NKAIN3: variants seen among roughly 807,000 people sequenced by gnomAD.
NKAIN3 encodes the protein sodium/potassium-transporting ATPase subunit beta-1-interacting protein 3.
A neutral mutation model predicts 30.2 loss-of-function variants in NKAIN3; 25 were observed. The observed-to-expected ratio is 0.83, with a 90% CI of 0.60 to 1.16. NKAIN3 has a LOEUF of 1.16. Ranked by LOEUF, NKAIN3 falls within the 50% of genes most tolerant of loss-of-function variation. NKAIN3 has a pLI of 0.00. For synonymous variants in NKAIN3, 91 were observed against 89.6 expected (o/e 1.02, Z -0.09); for missense variants, 225 against 254.1 (o/e 0.89, Z 0.78).
intron 4 of NKAIN3, among the ~76,000 whole-genome samples, chr8:62,791,471 A>G (rs758994566): frequency 5.9e-5 from 9 of 152,272 alleles, no homozygotes; most frequent in East Asian, 3.9e-4. Flanking sequence ...GTCCAAATAA[A>G]TGACTCAGGC....
intron 1 of NKAIN3, among the ~76,000 whole-genome samples, chr8:62,273,620 G>A (rs1259205304): frequency 6.6e-6 from 1 of 152,152 alleles, no homozygotes; most frequent in Admixed American, 6.5e-5. Flanking sequence ...TCTATGACAA[G>A]TTCTTGTTGT....
chr8:62,824,669 C>T (rs1818962858), intron 4 of NKAIN3, among the ~76,000 whole-genome samples: 1 of 152,100 alleles, frequency 6.6e-6, no homozygotes, highest in Admixed American at 6.6e-5. Context: ...ATTGCAATTT[C>T]CATGCTTTCT....
chr8:62,664,392 A>C (rs924053497), intron 3 of NKAIN3, among the ~76,000 whole-genome samples: 2 of 152,048 alleles, frequency 1.3e-5, no homozygotes, highest in African/African-American at 2.4e-5. Flanking sequence ...AACCCACCCA[A>C]ATCAAACCGT....
chr8:62,551,791 T>G (rs745424644), intron 1 of NKAIN3, among the ~76,000 whole-genome samples: 1 of 152,224 alleles, frequency 6.6e-6, no homozygotes, highest in Non-Finnish European at 1.5e-5. Context: ...ATTCTTGGAA[T>G]ATTGGTAGAC....
intron 4 of NKAIN3, among the ~76,000 whole-genome samples, chr8:62,820,441 A>G (rs2130729899): frequency 6.6e-6 from 1 of 152,308 alleles, no homozygotes; most frequent in African/African-American, 2.4e-5. Flanking sequence ...CTTGATGGTA[A>G]CATCATTAAC....
chr8:62,805,407 C>G (rs1341583593), intron 4 of NKAIN3, among the ~76,000 whole-genome samples: 1 of 151,956 alleles, frequency 6.6e-6, no homozygotes, highest in Non-Finnish European at 1.5e-5. Context: ...AACTATACTA[C>G]AAGGCTACAG....
intron 4 of NKAIN3, among the ~76,000 whole-genome samples, chr8:62,833,607 A>T (rs1365198602): frequency 1.3e-5 from 2 of 152,152 alleles, no homozygotes; most frequent in East Asian, 3.9e-4. Context: ...GAAACAAAAC[A>T]ACCTCCCAAG....
chr8:62,913,067 C>T (rs772342222), intron 4 of NKAIN3, among the ~76,000 whole-genome samples: 2 of 152,122 alleles, frequency 1.3e-5, no homozygotes, highest in Admixed American at 6.5e-5. Flanking sequence ...AGGCATGGAG[C>T]TGTCATCTCC....
At chr8:62,901,580 G>A (rs772642507) in intron 4 of NKAIN3, among the ~76,000 whole-genome samples, 2 of 152,144 alleles carry the variant, frequency 1.3e-5, no homozygotes, top group East Asian at 1.9e-4. Context: ...GTGGAATTAG[G>A]TGTCATGCAC....
Position 62,980,782 on chromosome 8 carries a change from C to T in NKAIN3, c.*15375C>T, listed in dbSNP as rs891292289. 1.3e-5 allele frequency: 2 copies of T among 152,140 alleles called. No individual in the cohort carries two copies. Among genetic ancestry groups the T allele is most frequent in the Non-Finnish European group, 2.9e-5 (2 of 68,034 alleles). 9.4% of individuals were successfully genotyped at this position (152,140 alleles called of 1,614,324 possible). A position where few individuals can be genotyped will look rare whatever the true frequency, so the allele number is the denominator to read the frequency against. On this transcript the variant is annotated 3_prime_UTR_variant, in exon 7 of 7. Coordinates refer to ENST00000623646, the MANE Select transcript of NKAIN3 (RefSeq NM_001304533.3). ...AATGTTGGACAATTTGTGTGGCATG[C>T]TTAGCTTAATTTGTTTCTATGGCAC... is the stretch of plus-strand genomic sequence containing the variant.
intron 4 of NKAIN3, among the ~76,000 whole-genome samples, chr8:62,827,221 C>G (rs976479018): frequency 6.6e-6 from 1 of 152,134 alleles, no homozygotes; most frequent in African/African-American, 2.4e-5. Context: ...ACAGTGCTTT[C>G]CTGTTAGCTG....
intron 4 of NKAIN3, among the ~76,000 whole-genome samples, chr8:62,877,888 A>G (rs923378904): frequency 3.9e-5 from 6 of 152,074 alleles, no homozygotes; most frequent in Non-Finnish European, 8.8e-5. Context: ...TAAAAATGCA[A>G]AATTAGCCGG....
intron 3 of NKAIN3, among the ~76,000 whole-genome samples, chr8:62,631,961 C>T (rs897133008): frequency 1.3e-5 from 2 of 152,152 alleles, no homozygotes; most frequent in African/African-American, 4.8e-5. Context: ...TCAAGTTAGG[C>T]ACTGGATAAT....
intron 1 of NKAIN3, among the ~76,000 whole-genome samples, chr8:62,297,882 A>T (rs1585649835): frequency 6.6e-6 from 1 of 152,214 alleles, no homozygotes; most frequent in Non-Finnish European, 1.5e-5. Flanking sequence ...ATGTATGTTT[A>T]TTGTGGCTCT....
chr8:62,895,281 AG>A (rs1379749589), intron 4 of NKAIN3, among the ~76,000 whole-genome samples: 1 of 152,220 alleles, frequency 6.6e-6, no homozygotes, highest in Non-Finnish European at 1.5e-5. Flanking sequence ...CAAAGGCCAA[AG>A]GCCAGGGCTG....
intron 4 of NKAIN3, among the ~76,000 whole-genome samples, chr8:62,822,900 T>C (rs1057292999): frequency 1.3e-5 from 2 of 152,218 alleles, no homozygotes; most frequent in Non-Finnish European, 2.9e-5. Context: ...CATAGCCTAT[T>C]GTTCCTAGGC....
At chr8:62,818,635 G>A (rs930112045) in intron 4 of NKAIN3, among the ~76,000 whole-genome samples, 2 of 152,022 alleles carry the variant, frequency 1.3e-5, no homozygotes, top group Admixed American at 6.6e-5. Context: ...GAATATCAAA[G>A]ATTAATAAGA....
chr8:62,474,512 C>A (rs1252918734), intron 1 of NKAIN3, among the ~76,000 whole-genome samples: 1 of 152,016 alleles, frequency 6.6e-6, no homozygotes, highest in Non-Finnish European at 1.5e-5. Flanking sequence ...CGTACAAAGA[C>A]CACATGGTCT....
At chr8:62,567,564 G>T (rs1434708311) in intron 1 of NKAIN3, among the ~76,000 whole-genome samples, 1 of 152,064 alleles carries the variant, frequency 6.6e-6, no homozygotes, top group Non-Finnish European at 1.5e-5. Flanking sequence ...TAATTATAAA[G>T]GTCTTTATAA....
Sources: allele counts gnomAD v4.1 joint callset (sites outside exome capture counted in the v4.1 genomes callset), GRCh38; gene constraint gnomAD v4.1.1; transcripts MANE v1.5; gene names NCBI Gene and HGNC (gene_info 2026-07-23, HGNC 2026-07-21).